Variants in DPY30 observed in about 807,000 individuals in gnomAD.
DPY30 encodes the protein protein dpy-30 homolog.
In DPY30, 6 loss-of-function variants were observed where a neutral mutation model predicts 16.2. The ratio of observed to expected loss-of-function variants is 0.37; its 90% CI spans 0.20 to 0.73. The LOEUF (loss-of-function observed/expected upper bound fraction) is 0.73, where lower values mean the gene tolerates loss of function less well. Among genes scored for constraint, DPY30 ranks in the 30% least tolerant of loss-of-function variants. The probability of loss-of-function intolerance (pLI) is 0.51; values close to 1 mark genes in which losing one functional copy is unlikely to be tolerated. For synonymous variants in DPY30, 39 were observed against 38.8 expected, an observed-to-expected ratio of 1.00 and a Z score of -0.02; for missense variants, 73 against 113.1, an observed-to-expected ratio of 0.65 and a Z score of 1.61.
At position 32,031,090 on chromosome 2, in the gene DPY30, T is replaced by C. The variant is rs527983048; in HGVS notation, c.85-1354A>G. ...ATTCAGAGCATTAAAAAGTAATTCA[T>C]TGCCTCCATCGCACTCACATTTTTA... On this transcript the variant is annotated intron_variant, in intron 3 of 4. Coordinates refer to ENST00000342166, the MANE Select transcript of DPY30 (RefSeq NM_001321209.2). 4.6e-5 allele frequency among the ~76,000 whole-genome samples: 7 copies of C among 152,300 alleles called. No homozygotes were observed. In the East Asian group the frequency reaches 1.2e-3, roughly 25 times the overall value.
chr2:32,016,433 G>A (rs748082020), intron 5 of DPY30, among the ~76,000 whole-genome samples: 3 of 152,030 alleles, frequency 2.0e-5, no homozygotes, highest in Non-Finnish European at 4.4e-5. Flanking sequence ...ATGCCATTTT[G>A]GAATCCAGTC....
chr2:32,023,515 T>A (rs1442077497), downstream of DPY30: 3 of 482,124 alleles, frequency 6.2e-6, no homozygotes, highest in Admixed American at 7.1e-5. Flanking sequence ...GCAGAGCTGC[T>A]TATATCAGAG....
intron 5 of DPY30, among the ~76,000 whole-genome samples, chr2:32,014,415 G>A (rs531646572): frequency 1.2e-3 from 184 of 152,278 alleles, no homozygotes; most frequent in African/African-American, 4.1e-3. Flanking sequence ...TTTAGCCCAG[G>A]AGTTTGAGAC....
At chr2:32,027,270 CAAA>C (rs1182400819) in intron 4 of DPY30, among the ~76,000 whole-genome samples, 3 of 70,182 alleles carry the variant, frequency 4.3e-5, no homozygotes, top group Non-Finnish European at 2.9e-5. Flanking sequence ...GACTCTGTCT[CAAA>C]AAAAAAAAAA....
At chr2:32,029,477 A>T (rs1675452681) in intron 4 of DPY30, 117 bp downstream of exon 4, 1 of 1,244,066 alleles carries the variant, frequency 8.0e-7, no homozygotes, top group Admixed American at 2.5e-5. Flanking sequence ...TTTCTTAAAA[A>T]CTTTAACATC....
intron 4 of DPY30, among the ~76,000 whole-genome samples, chr2:32,028,325 G>A (rs1375254435): frequency 3.9e-5 from 6 of 151,922 alleles, no homozygotes; most frequent in Non-Finnish European, 7.4e-5. Flanking sequence ...AGTTATGTCA[G>A]TTTGCTATTA....
chr2:32,039,258 C>A (rs552260879), intron 3 of DPY30, 21 bp downstream of exon 3: 1 of 1,614,142 alleles, frequency 6.2e-7, no homozygotes, highest in African/African-American at 1.3e-5. Context: ...ACAGATGAGG[C>A]ATAGGAACTT....
intron 4 of DPY30, among the ~76,000 whole-genome samples, chr2:32,026,924 T>C (rs1333508015): frequency 5.0e-5 from 7 of 138,870 alleles, no homozygotes; most frequent in East Asian, 4.0e-4. Flanking sequence ...CTTTTTTCCC[T>C]TTTTTTTTTT....
downstream of DPY30, chr2:32,023,282 A>C: frequency 2.7e-6 from 1 of 372,768 alleles, no homozygotes; most frequent in Middle Eastern, 9.9e-4. Context: ...TTTCTGAGCT[A>C]GTGAGCTATC....
intron 5 of DPY30, among the ~76,000 whole-genome samples, chr2:32,018,822 C>A (rs806150): frequency 1 from 152,170 of 152,170 alleles, 76,085 homozygotes; most frequent in Non-Finnish European, 1. Flanking sequence ...AGTTCAAGAC[C>A]AGCCTGGGCA....
chr2:32,012,011 A>T (rs770805065), exon 6 of DPY30: 2 of 152,380 alleles, frequency 1.3e-5, no homozygotes, highest in Non-Finnish European at 2.9e-5. Flanking sequence ...AGCCATGATC[A>T]CGCCACTGCA....
At chr2:32,015,620 G>A (rs1342329375) in intron 5 of DPY30, among the ~76,000 whole-genome samples, 3 of 152,064 alleles carry the variant, frequency 2.0e-5, no homozygotes, top group Admixed American at 6.6e-5. Flanking sequence ...GGCCAAGGCA[G>A]GAGGATCAGT....
In DPY30 at chr2:32,039,460, G is replaced by A. The variant is rs372538083; in HGVS notation, c.-4C>T. On this transcript the variant is annotated 5_prime_UTR_variant, in exon 2 of 5. Coordinates refer to ENST00000342166, the MANE Select transcript of DPY30 (RefSeq NM_001321209.2). ...CCAGCATCTGCTCTGGCTCCATGGCGGACCCTGCAAGTCACAGTCCCCGGA... is the reference window on the plus strand; with the variant it reads ...CCAGCATCTGCTCTGGCTCCATGGCAGACCCTGCAAGTCACAGTCCCCGGA... 61 of 1,613,890 alleles carry A rather than the reference G, an allele frequency of 3.8e-5. 1 individual carries two copies. In the South Asian group the frequency reaches 6.4e-4, roughly 17 times the overall value.
At chr2:32,017,913 T>C (rs1252582339) in intron 5 of DPY30, among the ~76,000 whole-genome samples, 3 of 152,210 alleles carry the variant, frequency 2.0e-5, no homozygotes, top group Non-Finnish European at 4.4e-5. Flanking sequence ...AGTCATTTTA[T>C]GAATGGATTA....
intron 5 of DPY30, among the ~76,000 whole-genome samples, chr2:32,016,100 A>G (rs976801681): frequency 6.6e-6 from 1 of 151,996 alleles, no homozygotes; most frequent in African/African-American, 2.4e-5. Context: ...GGTTTTTACC[A>G]TATTGGCCAG....
At chr2:32,016,609 C>G (rs1418565304) in intron 5 of DPY30, among the ~76,000 whole-genome samples, 1 of 152,058 alleles carries the variant, frequency 6.6e-6, no homozygotes, top group African/African-American at 2.4e-5. Context: ...GTAGATTGAT[C>G]TCCTTCTATC....
At chr2:32,028,604 C>A (rs943037265) in intron 4 of DPY30, among the ~76,000 whole-genome samples, 1 of 152,100 alleles carries the variant, frequency 6.6e-6, no homozygotes, top group Non-Finnish European at 1.5e-5. Context: ...AGATCGAGAT[C>A]ATTCTGGCCA....
At position 32,024,212 on chromosome 2, in the gene DPY30, T is replaced by G. The variant is rs777226700; in HGVS notation, c.272A>C (p.Asn91Thr). Residue 91 changes from asparagine to threonine, a missense_variant, in exon 5 of 5, where the codon AAC becomes ACC. Coordinates refer to ENST00000342166, the MANE Select transcript of DPY30 (RefSeq NM_001321209.2). ...GTTTCGATCTTCAAACTGTGCCTTG[T>G]TTTTTAAAAGATAAGATGCTAGAAA... ...IEFLASYLLK[N>T]KAQFEDRN 4 of 1,612,734 alleles carry G rather than the reference T, an allele frequency of 2.5e-6. No homozygotes were observed. Among genetic ancestry groups the G allele is most frequent in the Non-Finnish European group, 3.4e-6 (4 of 1,179,394 alleles).
intron 3 of DPY30, among the ~76,000 whole-genome samples, chr2:32,036,544 G>C (rs1298883139): frequency 6.6e-6 from 1 of 151,844 alleles, no homozygotes; most frequent in South Asian, 2.1e-4. Flanking sequence ...TGGTGGCGGC[G>C]CCTGTAGTCC....
Sources: allele counts gnomAD v4.1 joint callset (sites outside exome capture counted in the v4.1 genomes callset), GRCh38; gene constraint gnomAD v4.1.1; transcripts MANE v1.5; gene names NCBI Gene and HGNC (gene_info 2026-07-23, HGNC 2026-07-21).